The following FBLN2 variants were observed in gnomAD, a reference collection of about 807,000 sequenced individuals.
FBLN2 encodes fibulin 2, also known as fibulin-2.
FBLN2 carries 81 observed loss-of-function variants against 123.7 expected under a neutral mutation model. The ratio of observed to expected loss-of-function variants is 0.65; its 90% CI spans 0.55 to 0.79. FBLN2 has a LOEUF of 0.79. Among genes scored for constraint, FBLN2 ranks in the 30% least tolerant of loss-of-function variants. FBLN2 has a pLI of 0.00. For missense variants in FBLN2, 1,603 were observed against 1,681.3 expected, an observed-to-expected ratio of 0.95 and a Z score of 0.81; for synonymous variants, 699 against 701.4, an observed-to-expected ratio of 1.00 and a Z score of 0.05.
At chr3:13,615,442 A>C (rs146614824) in intron 5 of FBLN2, among the ~76,000 whole-genome samples, 1 of 152,356 alleles carries the variant, frequency 6.6e-6, no homozygotes, top group African/African-American at 2.4e-5. Context: ...AAAGCCACAG[A>C]TGAGGTCCTG....
chr3:13,620,783 A>G (rs1705822628), intron 8 of FBLN2, among the ~76,000 whole-genome samples: 1 of 152,188 alleles, frequency 6.6e-6, no homozygotes, highest in South Asian at 2.1e-4. Context: ...GCCTGGGTGA[A>G]TACCCACATC....
intron 16 of FBLN2, among the ~76,000 whole-genome samples, chr3:13,636,241 C>T (rs1237925199): frequency 6.6e-6 from 1 of 152,214 alleles, no homozygotes; most frequent in Non-Finnish European, 1.5e-5. Context: ...GAGGGCATGA[C>T]ATGAGGTGAT....
chr3:13,629,302 C>G lies in FBLN2; in HGVS notation c.2842+10C>G, dbSNP rs769090032. The G allele has an allele frequency of 2.9e-5, 47 of 1,601,856 alleles. No homozygotes were observed. In the Admixed American group the frequency reaches 7.7e-4, roughly 26 times the overall value. On this transcript the variant is annotated intron_variant, in intron 13 of 17. Transcript: ENST00000404922. ...GGCCGGGGCTGCATCGGTAGGTAGGCTGGTGGCCAGGACCCCTGGGGAACA... is the reference window on the plus strand; with the variant it reads ...GGCCGGGGCTGCATCGGTAGGTAGGGTGGTGGCCAGGACCCCTGGGGAACA...
chr3:13,581,351 C>T (rs1008964407), intron 2 of FBLN2, among the ~76,000 whole-genome samples: 2 of 152,102 alleles, frequency 1.3e-5, no homozygotes, highest in African/African-American at 4.8e-5. Context: ...ATGCAAAGTC[C>T]TTTCCTGGAC....
chr3:13,629,735 C>G lies in FBLN2; in HGVS notation c.2843-85C>G. On this transcript the variant is annotated intron_variant, in intron 13 of 17. Coordinates refer to ENST00000404922, the MANE Select transcript of FBLN2 (RefSeq NM_001004019.2). Reference sequence around the variant, plus strand: ...CTGGGTCCCTCTCCCACTTAGCCTCCCCTTCGGCCCTGGATGGCCCTTGGG... The same window carrying G: ...CTGGGTCCCTCTCCCACTTAGCCTCGCCTTCGGCCCTGGATGGCCCTTGGG... The G allele has an allele frequency of 8.1e-6, 12 of 1,488,484 alleles. No individual in the cohort carries two copies. In the South Asian group the frequency reaches 1.6e-4, roughly 20 times the overall value. 92.2% of individuals were successfully genotyped at this position (1,488,484 alleles called of 1,614,324 possible). A position where few individuals can be genotyped will look rare whatever the true frequency, so the allele number is the denominator to read the frequency against.
chr3:13,637,146 C>G (rs1474018035), intron 17 of FBLN2, among the ~76,000 whole-genome samples: 3 of 152,174 alleles, frequency 2.0e-5, no homozygotes, highest in Non-Finnish European at 1.5e-5. Flanking sequence ...ACTCTGCCAC[C>G]AGCCACACGG....
intron 15 of FBLN2, 57 bp from the exon 16 acceptor site, chr3:13,631,272 G>C: frequency 6.4e-7 from 1 of 1,572,010 alleles, no homozygotes; most frequent in Non-Finnish European, 8.6e-7. Flanking sequence ...CTGACTGTCA[G>C]TGGCTGGGCT....
At chr3:13,625,221 G>GC (rs1705995710) in intron 9 of FBLN2, among the ~76,000 whole-genome samples, 1 of 150,882 alleles carries the variant, frequency 6.6e-6, no homozygotes, top group African/African-American at 2.4e-5. Flanking sequence ...TGAGTTGGTG[G>GC]CCTCTGTGGC....
chr3:13,616,500 G>A (rs1386739139), intron 5 of FBLN2, among the ~76,000 whole-genome samples: 2 of 152,190 alleles, frequency 1.3e-5, no homozygotes, highest in South Asian at 2.1e-4. Flanking sequence ...GAGTCTCTGC[G>A]GGACCAGACC....
At chr3:13,569,801 T>TG (rs941289846) in intron 1 of FBLN2, among the ~76,000 whole-genome samples, 3 of 150,856 alleles carry the variant, frequency 2.0e-5, no homozygotes, top group African/African-American at 7.3e-5. Context: ...GTCAAGGATC[T>TG]GGGGGGAGGG....
Position 13,637,673 on chromosome 3 carries a change from C to G in FBLN2, c.3450C>G (p.Ile1150Met). 5 of 1,614,024 alleles carry G rather than the reference C, an allele frequency of 3.1e-6. No individual in the cohort carries two copies. The highest frequency in any genetic ancestry group is 4.2e-6 in the Non-Finnish European group (5 of 1,179,884). The change falls in exon 18 of 18, where the codon ATC (isoleucine) becomes ATG (methionine). Residue 1150 changes from isoleucine to methionine, a missense_variant. Coordinates refer to ENST00000404922, the MANE Select transcript of FBLN2 (RefSeq NM_001004019.2). The stretch of plus-strand genomic sequence containing the variant: ...CGGGCCTCCTGGTGCCTGCGCATAT[C>G]TTCCGCATTGGCCCCGCGCCAGCCT... ...FQTGLLVPAH[I>M]FRIGPAPAFT... is the part of the protein sequence containing the mutation.
chr3:13,630,599 G>C, intron 14 of FBLN2, 100 bp from the exon 15 acceptor site: 3 of 988,856 alleles, frequency 3.0e-6, no homozygotes, highest in South Asian at 1.5e-5. Flanking sequence ...CCCCAGTCCA[G>C]GCCGGGGAGC....
rs112883620 is a variant in FBLN2 at position 13,559,840 on chromosome 3, G to A, written c.-41-10475G>A. On this transcript the variant is annotated intron_variant, in intron 1 of 17. Coordinates refer to ENST00000404922, the MANE Select transcript of FBLN2 (RefSeq NM_001004019.2). ...GAGCAGTCCCTGGAGGCAGGATCTC[G>A]GTCCAGGAGCAGACCATGTGGAGCA... 5.2e-3 allele frequency among the ~76,000 whole-genome samples: 789 copies of A among 152,318 alleles called. 9 individuals carry two copies. The highest frequency in any genetic ancestry group is 0.018 in the African/African-American group (739 of 41,570).
At chr3:13,603,460 TC>T (rs1437139289) in intron 2 of FBLN2, among the ~76,000 whole-genome samples, 1 of 146,594 alleles carries the variant, frequency 6.8e-6, no homozygotes, top group African/African-American at 2.5e-5. Context: ...ATTGTTCAAT[TC>T]CCACCTATGA....
At chr3:13,576,720 TC>T (rs111724365) in intron 2 of FBLN2, among the ~76,000 whole-genome samples, 32,031 of 135,398 alleles carry the variant, frequency 0.24, 3,610 homozygotes, top group East Asian at 0.39. Context: ...GTCAGGGGGA[TC>T]CCCCCCCCCC....
Position 13,630,694 on chromosome 3 carries a change from T to TG in FBLN2, c.2969-4dup, listed in dbSNP as rs1208344538. The TG allele has an allele frequency of 8.2e-6, 13 of 1,593,302 alleles. No individual in the cohort carries two copies. The highest frequency in any genetic ancestry group is 1.0e-5 in the Non-Finnish European group (12 of 1,168,766). On this transcript the variant is annotated splice_polypyrimidine_tract_variant and splice_region_variant and intron_variant, in intron 14 of 17. Coordinates refer to ENST00000404922, the MANE Select transcript of FBLN2 (RefSeq NM_001004019.2). ...TGCCATGACTGCCTGCTGGTGTCCC[T>TG]GCAGACGTGAATGAGTGTGAGGCCC...
In FBLN2 at chr3:13,570,504, A is replaced by G; in HGVS notation, c.149A>G (p.Glu50Gly). The G allele has an allele frequency of 6.3e-7, 1 of 1,585,704 alleles. No individual in the cohort carries two copies. Among genetic ancestry groups the G allele is most frequent in the Non-Finnish European group, 8.6e-7 (1 of 1,166,954 alleles). The stretch of plus-strand genomic sequence containing the variant: ...GAGAACTGCATTGAGGAGGCGCTGG[A>G]GCCGGGTGCCTGCTGTGCCACGTGT... ...PLENCIEEAL[E>G]PGACCATCVQ... is the part of the protein sequence containing the mutation. Residue 50 changes from glutamate (E) to glycine (G), a missense_variant, in exon 2 of 18, where the codon GAG becomes GGG. Transcript: ENST00000404922.
rs757259469 is a variant in FBLN2, at chr3:13,629,891, C to A, written c.2914C>A (p.Arg972Ser). The change falls in exon 14 of 18, where the codon CGC becomes AGC. Residue 972 changes from arginine (R) to serine (S), a missense_variant. By Grantham distance (110) the Arg-to-Ser change is moderately radical. Coordinates refer to ENST00000404922, the MANE Select transcript of FBLN2 (RefSeq NM_001004019.2). ...HTCENTLGSYRCSCASGFLLA... is the reference protein window; with the variant it reads ...HTCENTLGSYSCSCASGFLLA... ...GTGTGAGAACACACTCGGCTCCTACCGCTGTTCCTGCGCCTCCGGGTTCCT... is the reference window on the plus strand; with the variant it reads ...GTGTGAGAACACACTCGGCTCCTACAGCTGTTCCTGCGCCTCCGGGTTCCT... 1 of 1,604,598 alleles carries A rather than the reference C, an allele frequency of 6.2e-7. No individual in the cohort carries two copies. The highest frequency in any genetic ancestry group is 1.1e-5 in the South Asian group (1 of 88,954).
chr3:13,614,383 C>T (rs1291402650), intron 5 of FBLN2, among the ~76,000 whole-genome samples: 1 of 152,088 alleles, frequency 6.6e-6, no homozygotes, highest in Non-Finnish European at 1.5e-5. Flanking sequence ...TGTCCACTCA[C>T]CACCCTCCCC....
Sources: allele counts gnomAD v4.1 joint callset (sites outside exome capture counted in the v4.1 genomes callset), GRCh38; gene constraint gnomAD v4.1.1; transcripts MANE v1.5; gene names NCBI Gene and HGNC (gene_info 2026-07-23, HGNC 2026-07-21).